The following ALK variants were observed in gnomAD, a reference collection of about 807,000 sequenced individuals.
ALK encodes ALK receptor tyrosine kinase.
A neutral mutation model predicts 163.1 loss-of-function variants in ALK; 74 were observed. The observed-to-expected ratio is 0.45, with a 90% CI of 0.38 to 0.55. The LOEUF (loss-of-function observed/expected upper bound fraction) is 0.55, where lower values mean the gene tolerates loss of function less well. Among genes scored for constraint, ALK ranks in the 20% least tolerant of loss-of-function variants. ALK has a pLI of 0.00. For synonymous variants in ALK, 960 were observed against 843.2 expected (o/e 1.14, Z -2.40); for missense variants, 2,063 against 2,105.3 (o/e 0.98, Z 0.39).
At chr2:29,619,086 A>G (rs1675950220) in intron 3 of ALK, among the ~76,000 whole-genome samples, 1 of 152,216 alleles carries the variant, frequency 6.6e-6, no homozygotes, top group African/African-American at 2.4e-5. Flanking sequence ...CAAGAAACCC[A>G]TAATTTTGTG....
chr2:29,585,336 A>T (rs1674850894), intron 3 of ALK, among the ~76,000 whole-genome samples: 1 of 139,212 alleles, frequency 7.2e-6, no homozygotes, highest in Non-Finnish European at 1.6e-5. Flanking sequence ...TATTATTACT[A>T]TTTTTTTGAG....
chr2:29,536,388 C>T (rs1195103142), intron 3 of ALK, among the ~76,000 whole-genome samples: 1 of 152,028 alleles, frequency 6.6e-6, no homozygotes, highest in African/African-American at 2.4e-5. Flanking sequence ...TCACTCTCAC[C>T]ATGTGGCATG....
intron 1 of ALK, among the ~76,000 whole-genome samples, chr2:29,838,782 G>A (rs1665629573): frequency 6.6e-6 from 1 of 152,136 alleles, no homozygotes; most frequent in Non-Finnish European, 1.5e-5. Flanking sequence ...CTGGCAAGGG[G>A]CATGAGGAAC....
At chr2:29,361,580 C>A (rs148921323) in intron 5 of ALK, among the ~76,000 whole-genome samples, 1 of 152,316 alleles carries the variant, frequency 6.6e-6, no homozygotes, top group East Asian at 1.9e-4. Context: ...CTGTGACTTG[C>A]TATGTAACCT....
chr2:29,282,995 T>C (rs1665753906), intron 9 of ALK, among the ~76,000 whole-genome samples: 1 of 152,180 alleles, frequency 6.6e-6, no homozygotes, highest in South Asian at 2.1e-4. Context: ...TAGTGTATGT[T>C]GAGCTCTGCT....
intron 4 of ALK, among the ~76,000 whole-genome samples, chr2:29,445,700 T>C (rs1414964910): frequency 2.6e-5 from 4 of 152,192 alleles, no homozygotes; most frequent in Non-Finnish European, 5.9e-5. Flanking sequence ...CAGATGCCTG[T>C]AGTCCCAGTT....
At chr2:29,248,842 CA>C (rs1664750291) in intron 12 of ALK, among the ~76,000 whole-genome samples, 1 of 152,208 alleles carries the variant, frequency 6.6e-6, no homozygotes, top group African/African-American at 2.4e-5. Context: ...CCAAATTTTT[CA>C]GAATACAGGG....
chr2:29,733,263 G>A (rs1189978405), intron 1 of ALK, among the ~76,000 whole-genome samples: 2 of 152,178 alleles, frequency 1.3e-5, no homozygotes, highest in African/African-American at 2.4e-5. Flanking sequence ...GAATGAAATG[G>A]CAGCCAGGTC....
At chr2:29,203,790 A>ATGCC (rs1669246581) in intron 26 of ALK, among the ~76,000 whole-genome samples, 1 of 151,802 alleles carries the variant, frequency 6.6e-6, no homozygotes, top group South Asian at 2.1e-4. Flanking sequence ...GGCCGAGGAT[A>ATGCC]TGCCCTTTTT....
intron 3 of ALK, among the ~76,000 whole-genome samples, chr2:29,557,534 T>A (rs1673896174): frequency 6.6e-6 from 1 of 152,168 alleles, no homozygotes; most frequent in Non-Finnish European, 1.5e-5. Context: ...ATTTTGACCT[T>A]TTAACTAACA....
intron 11 of ALK, among the ~76,000 whole-genome samples, chr2:29,268,976 G>A (rs926676825): frequency 1.3e-4 from 20 of 152,234 alleles, no homozygotes; most frequent in Middle Eastern, 3.2e-3. Context: ...AGCGCTGTAA[G>A]CATTGATAAT....
At chr2:29,912,174 G>A (rs989835302) in intron 1 of ALK, among the ~76,000 whole-genome samples, 1 of 151,956 alleles carries the variant, frequency 6.6e-6, no homozygotes, top group Non-Finnish European at 1.5e-5. Flanking sequence ...ATATATTGGT[G>A]CAGGAAAAAA....
chr2:29,908,869 C>T (rs1329520833), intron 1 of ALK, among the ~76,000 whole-genome samples: 2 of 152,174 alleles, frequency 1.3e-5, no homozygotes, highest in African/African-American at 4.8e-5. Flanking sequence ...CTTTGTCTGC[C>T]TTTTCTCCTC....
chr2:29,369,334 G>GTGTGTGTGTA (rs369794496), intron 5 of ALK, among the ~76,000 whole-genome samples: 5 of 151,830 alleles, frequency 3.3e-5, no homozygotes, highest in Non-Finnish European at 5.9e-5. Context: ...GTGTGTGTGT[G>GTGTGTGTGTA]TTGGTCTCCT....
chr2:29,496,746 A>G (rs542026926), intron 4 of ALK, among the ~76,000 whole-genome samples: 1 of 152,320 alleles, frequency 6.6e-6, no homozygotes, highest in African/African-American at 2.4e-5. Flanking sequence ...CACTTTGCCC[A>G]TGGAAGACCC....
chr2:29,720,027 C>T (rs1325204830), intron 1 of ALK, among the ~76,000 whole-genome samples: 2 of 152,018 alleles, frequency 1.3e-5, no homozygotes, highest in African/African-American at 4.8e-5. Flanking sequence ...GTTATACTTT[C>T]CTGTTTCTAA....
intron 4 of ALK, among the ~76,000 whole-genome samples, chr2:29,456,564 A>G (rs1670959062): frequency 6.6e-6 from 1 of 152,174 alleles, no homozygotes; most frequent in Non-Finnish European, 1.5e-5. Flanking sequence ...TAGAGGGAGA[A>G]TGAGGACTTA....
At chr2:29,574,413 G>A (rs957979281) in intron 3 of ALK, among the ~76,000 whole-genome samples, 1 of 152,226 alleles carries the variant, frequency 6.6e-6, no homozygotes, top group African/African-American at 2.4e-5. Context: ...GTCTGTGCTG[G>A]TGTTCTCTGC....
chr2:29,771,725 G>A (rs957238533), intron 1 of ALK, among the ~76,000 whole-genome samples: 27 of 152,014 alleles, frequency 1.8e-4, no homozygotes, highest in Non-Finnish European at 2.9e-4. Context: ...TAGTAGAGAC[G>A]GGGTTTCACC....
Sources: gnomAD v4.1 joint callset for allele counts (sites outside exome capture counted in the v4.1 genomes callset) on GRCh38, gnomAD v4.1.1 for gene constraint, MANE v1.5 for transcripts, NCBI Gene and HGNC (gene_info 2026-07-23, HGNC 2026-07-21) for gene names.